The following DNAH3 variants were observed in gnomAD, a reference collection of about 807,000 sequenced individuals.
The protein encoded by DNAH3 is dynein axonemal heavy chain 3.
In DNAH3, 332 loss-of-function variants were observed where a neutral mutation model predicts 432.5. That is an observed-to-expected ratio of 0.77 (90% confidence interval 0.70 to 0.84). The LOEUF (loss-of-function observed/expected upper bound fraction) is 0.84. Ranked by LOEUF, DNAH3 falls within the 40% of genes least tolerant of loss-of-function variation. The pLI, the probability that DNAH3 is intolerant of heterozygous loss-of-function variation, is 0.00. For synonymous variants in DNAH3, 1,956 were observed against 1,900.2 expected (o/e 1.03, Z -0.76); for missense variants, 4,861 against 5,114.0 (o/e 0.95, Z 1.51).
intron 52 of DNAH3, among the ~76,000 whole-genome samples, chr16:20,969,407 CCTAA>C (rs748433198): frequency 1.2e-4 from 18 of 151,846 alleles, no homozygotes; most frequent in Admixed American, 6.6e-5. Flanking sequence ...TTTTGCTTTC[CCTAA>C]CTCTCTTTCT....
chr16:21,154,870 T>A (rs1197837705), intron 1 of DNAH3, among the ~76,000 whole-genome samples: 1 of 152,180 alleles, frequency 6.6e-6, no homozygotes, highest in East Asian at 1.9e-4. Flanking sequence ...CAGAATTGTT[T>A]GTTGTCTGAC....
chr16:20,944,399 ACT>A (rs1378820064), intron 58 of DNAH3, 95 bp downstream of exon 58: 4 of 1,438,376 alleles, frequency 2.8e-6, no homozygotes, highest in Non-Finnish European at 2.9e-6. Context: ...CCAGGCCCCC[ACT>A]CTCTGCCTCT....
intron 20 of DNAH3, among the ~76,000 whole-genome samples, chr16:21,080,716 TG>T (rs35477148): frequency 1.3e-5 from 2 of 152,152 alleles, no homozygotes; most frequent in Non-Finnish European, 2.9e-5. Context: ...GCAGCAGATC[TG>T]GGTGCCACAC....
exon 45 of DNAH3, chr16:20,987,995 G>A: frequency 1.2e-6 from 2 of 1,614,150 alleles, no homozygotes; most frequent in South Asian, 1.1e-5. Flanking sequence ...CAATCGAACT[G>A]AAAATCTTGG....
chr16:20,985,824 C>T, intron 47 of DNAH3, 109 bp from the exon 48 acceptor site: 2 of 1,116,160 alleles, frequency 1.8e-6, no homozygotes, highest in Non-Finnish European at 2.6e-6. Context: ...CCTCTGAGCA[C>T]ATCCTTCAAG....
intron 1 of DNAH3, among the ~76,000 whole-genome samples, chr16:21,152,242 GAAAA>G (rs2152836945): frequency 6.6e-6 from 1 of 151,942 alleles, no homozygotes; most frequent in East Asian, 1.9e-4. Flanking sequence ...CAAAAAAAAA[GAAAA>G]ACAAACAAAA....
chr16:21,021,652 G>A (rs1260263886), intron 40 of DNAH3, among the ~76,000 whole-genome samples: 1 of 152,146 alleles, frequency 6.6e-6, no homozygotes, highest in East Asian at 1.9e-4. Flanking sequence ...GCTTATGCCT[G>A]TAATCCCAGC....
intron 1 of DNAH3, among the ~76,000 whole-genome samples, chr16:21,157,718 A>C (rs1348380086): frequency 6.6e-6 from 1 of 152,176 alleles, no homozygotes; most frequent in East Asian, 1.9e-4. Context: ...CCTGTCTGGA[A>C]AGTGGCTGAG....
intron 44 of DNAH3, 98 bp downstream of exon 44, chr16:20,997,185 G>A: frequency 7.9e-7 from 1 of 1,265,724 alleles, no homozygotes; most frequent in East Asian, 2.4e-5. Context: ...ACGTGGTTTG[G>A]CAGGACAGAC....
chr16:21,159,448 AC>A (rs572008324), upstream of DNAH3: 669 of 1,612,902 alleles, frequency 4.1e-4, 4 homozygotes, highest in South Asian at 7.0e-3. Context: ...CCATCCCCCA[AC>A]CAGAGATGTG....
chr16:21,086,616 C>T (rs572603952), intron 19 of DNAH3, among the ~76,000 whole-genome samples: 22 of 152,312 alleles, frequency 1.4e-4, no homozygotes, highest in Admixed American at 2.6e-4. Context: ...CAACACTCAA[C>T]GAACCACGAC....
exon 53 of DNAH3, chr16:20,964,038 C>G (rs773915185): frequency 1.2e-6 from 2 of 1,614,164 alleles, no homozygotes; most frequent in Non-Finnish European, 1.7e-6. Flanking sequence ...GCGTTTCTGT[C>G]ATGGAAGCAA....
chr16:21,146,545 T>C (rs955606905), intron 1 of DNAH3, among the ~76,000 whole-genome samples: 1 of 152,208 alleles, frequency 6.6e-6, no homozygotes. Context: ...ATATACATTA[T>C]AGAGTGACTA....
At chr16:20,974,567 CTGTT>C (rs2085488400) in intron 51 of DNAH3, among the ~76,000 whole-genome samples, 1 of 134,604 alleles carries the variant, frequency 7.4e-6, no homozygotes, top group Non-Finnish European at 1.6e-5. Flanking sequence ...CTACACCTGG[CTGTT>C]TTATAGTGTT....
At chr16:21,082,797 C>T (rs1179596021) in intron 19 of DNAH3, among the ~76,000 whole-genome samples, 1 of 149,252 alleles carries the variant, frequency 6.7e-6, no homozygotes, top group East Asian at 2.0e-4. Flanking sequence ...CACTGCACTC[C>T]AGCCTGGGCA....
At chr16:21,064,925 C>T (rs189532644) in intron 24 of DNAH3, among the ~76,000 whole-genome samples, 1 of 149,928 alleles carries the variant, frequency 6.7e-6, no homozygotes. Flanking sequence ...AAAAATGTGG[C>T]TCAGAGAGGT....
intron 59 of DNAH3, among the ~76,000 whole-genome samples, chr16:20,937,529 C>CTT (rs71377696): frequency 0.15 from 17,840 of 121,174 alleles, 1,580 homozygotes; most frequent in East Asian, 0.2. Flanking sequence ...CAAAGTTGTT[C>CTT]TTTTTTTTTT....
At chr16:21,033,792 G>A (rs2089016813) in intron 36 of DNAH3, among the ~76,000 whole-genome samples, 182 bp downstream of exon 36, 1 of 152,040 alleles carries the variant, frequency 6.6e-6, no homozygotes, top group Non-Finnish European at 1.5e-5. Flanking sequence ...TGTTATTATA[G>A]AAGCACCCCG....
intron 41 of DNAH3, among the ~76,000 whole-genome samples, chr16:21,005,688 T>A (rs1319026603): frequency 6.6e-6 from 1 of 152,094 alleles, no homozygotes; most frequent in Non-Finnish European, 1.5e-5. Flanking sequence ...CTCATTTTTT[T>A]TTTTTTCCAA....
Sources: gnomAD v4.1 joint callset for allele counts (sites outside exome capture counted in the v4.1 genomes callset) on GRCh38, gnomAD v4.1.1 for gene constraint, MANE v1.5 for transcripts, NCBI Gene and HGNC (gene_info 2026-07-23, HGNC 2026-07-21) for gene names.